MROH7: variants seen among roughly 807,000 people sequenced by gnomAD.
MROH7 encodes the protein maestro heat-like repeat-containing protein family member 7.
Under a neutral mutation model 129.2 loss-of-function variants are expected in MROH7, and 113 were observed. The ratio of observed to expected loss-of-function variants is 0.87; its 90% CI spans 0.75 to 1.02. The LOEUF (loss-of-function observed/expected upper bound fraction) is 1.02. Ranked by LOEUF, MROH7 falls within the 50% of genes least tolerant of loss-of-function variation. The pLI, the probability that MROH7 is intolerant of heterozygous loss-of-function variation, is 0.00. For synonymous variants in MROH7, 655 were observed against 667.9 expected (o/e 0.98, Z 0.30); for missense variants, 1,601 against 1,671.3 (o/e 0.96, Z 0.73).
At chr1:54,671,395 G>A (rs1389647828) in intron 7 of MROH7, among the ~76,000 whole-genome samples, 4 of 152,276 alleles carry the variant, frequency 2.6e-5, no homozygotes, top group East Asian at 1.9e-4. Context: ...GCGAGACTCC[G>A]TCTCAAAACA....
intron 10 of MROH7, 52 bp from the exon 11 acceptor site, chr1:54,678,690 T>A: frequency 7.5e-7 from 1 of 1,339,600 alleles, no homozygotes; most frequent in Non-Finnish European, 1.1e-6. Flanking sequence ...TACATGTATG[T>A]TTAACAAAAA....
At chr1:54,709,727 G>A (rs1645593462) in intron 23 of MROH7, among the ~76,000 whole-genome samples, 1 of 152,086 alleles carries the variant, frequency 6.6e-6, no homozygotes, top group South Asian at 2.1e-4. Flanking sequence ...AAAGCATTAA[G>A]GTAGGCTGGG....
Position 54,695,391 on chromosome 1 carries a change from C to T in MROH7, c.2865C>T (p.Tyr955=). The T allele has an allele frequency of 6.2e-7, 1 of 1,611,898 alleles. No homozygotes were observed. ...VALLARAMVQ[Y]SCQELCRILY... ...CCACCCCCAGGGCCATGGTGCAGTACTCCTGCCAGGAGCTGTGCCGCATCC... is the reference window on the plus strand; with the variant it reads ...CCACCCCCAGGGCCATGGTGCAGTATTCCTGCCAGGAGCTGTGCCGCATCC... The change falls in exon 17 of 24, where the codon TAC becomes TAT. Residue 955 remains tyrosine, a synonymous_variant. Transcript: ENST00000421030.
chr1:54,705,611 T>G (rs1645520408), intron 21 of MROH7, among the ~76,000 whole-genome samples: 1 of 151,506 alleles, frequency 6.6e-6, no homozygotes, highest in East Asian at 1.9e-4. Context: ...TGAAGAAGAG[T>G]GGGAAGGGCA....
chr1:54,654,644 GC>G (rs1644613310), intron 3 of MROH7, among the ~76,000 whole-genome samples: 1 of 151,788 alleles, frequency 6.6e-6, no homozygotes, highest in Non-Finnish European at 1.5e-5. Context: ...TTGCACTCCA[GC>G]CTGGGCAACA....
intron 13 of MROH7, among the ~76,000 whole-genome samples, 154 bp from the exon 14 acceptor site, chr1:54,682,502 C>G: frequency 6.6e-6 from 1 of 152,306 alleles, no homozygotes; most frequent in Non-Finnish European, 1.5e-5. Context: ...TAGCCCCTGA[C>G]TCTTTGGGAG....
At chr1:54,645,344 A>G (rs971530218) in intron 1 of MROH7, among the ~76,000 whole-genome samples, 1 of 151,906 alleles carries the variant, frequency 6.6e-6, no homozygotes, top group South Asian at 2.1e-4. Context: ...TAGTGGTGCA[A>G]TCTTGGCTCA....
chr1:54,642,876 A>G (rs1644409520), intron 1 of MROH7, among the ~76,000 whole-genome samples: 1 of 152,168 alleles, frequency 6.6e-6, no homozygotes, highest in South Asian at 2.1e-4. Context: ...CAGCTTCCCA[A>G]AATGCTGGGA....
chr1:54,660,509 A>G (rs1261392835), intron 3 of MROH7, among the ~76,000 whole-genome samples: 1 of 152,192 alleles, frequency 6.6e-6, no homozygotes, highest in African/African-American at 2.4e-5. Context: ...GTTTGGTGTT[A>G]TCAGTTAAAA....
At chr1:54,669,431 CA>C (rs920852626) in intron 5 of MROH7, among the ~76,000 whole-genome samples, 3 of 152,056 alleles carry the variant, frequency 2.0e-5, no homozygotes, top group Non-Finnish European at 2.9e-5. Context: ...CAGAGACAAC[CA>C]AAAAAGTCCT....
chr1:54,696,739 T>C (rs764558203), intron 17 of MROH7, among the ~76,000 whole-genome samples: 9 of 148,824 alleles, frequency 6.0e-5, no homozygotes, highest in Non-Finnish European at 8.9e-5. Flanking sequence ...TGGCGTGATT[T>C]TGGCTCACTG....
chr1:54,680,151 G>T, intron 13 of MROH7, 106 bp downstream of exon 13: 1 of 1,010,416 alleles, frequency 9.9e-7, no homozygotes, highest in South Asian at 1.4e-5. Context: ...CGCCCTCCCA[G>T]ATGGCCCCCC....
chr1:54,678,613 T>C (rs2101127328), intron 10 of MROH7, 129 bp from the exon 11 acceptor site: 1 of 640,944 alleles, frequency 1.6e-6, no homozygotes, highest in Non-Finnish European at 2.8e-6. Context: ...ACTTGGGGGC[T>C]GGCTACAATG....
chr1:54,690,497 G>A (rs577830401), intron 15 of MROH7, among the ~76,000 whole-genome samples: 4 of 150,598 alleles, frequency 2.7e-5, no homozygotes, highest in Non-Finnish European at 5.9e-5. Flanking sequence ...AGGCTAGAGT[G>A]CAGTGGCGCT....
In MROH7 at chr1:54,647,632, G is replaced by A. The variant is rs141990995; in HGVS notation, c.-109-4317G>A. 1.2e-3 allele frequency among the ~76,000 whole-genome samples: 179 copies of A among 152,104 alleles called. 2 individuals are homozygous for A. In the East Asian group the frequency reaches 0.029, roughly 25 times the overall value. On this transcript the variant is annotated intron_variant, in intron 1 of 23. Coordinates refer to ENST00000421030, the MANE Select transcript of MROH7 (RefSeq NM_001039464.4). ...GCATGCACCTGTAATCCCAGCTACT[G>A]GGGAGGCTGAAACAGGAGAATCACT...
chr1:54,669,968 C>T (rs1160509821), intron 5 of MROH7, among the ~76,000 whole-genome samples: 2 of 144,466 alleles, frequency 1.4e-5, no homozygotes, highest in African/African-American at 5.2e-5. Context: ...TGTGCCATTA[C>T]ACTCCAATCT....
In MROH7 at chr1:54,668,920, A is replaced by G; in HGVS notation, c.1372A>G (p.Met458Val). 1 of 1,601,900 alleles carries G rather than the reference A, an allele frequency of 6.2e-7. No homozygotes were observed. Among genetic ancestry groups the G allele is most frequent in the Non-Finnish European group, 8.5e-7 (1 of 1,171,546 alleles). The change falls in exon 5 of 24, where the codon ATG becomes GTG. Residue 458 changes from methionine (M) to valine (V), a missense_variant. Transcript: ENST00000421030. ...LLEAEGEKKT[M>V]IKKIMRQIQE... The stretch of plus-strand genomic sequence containing the variant: ...GGAGGCAGAAGGAGAAAAGAAGACC[A>G]TGATAAAGAAGATTATGGTGGGGGA...
At position 54,702,144 on chromosome 1, in the gene MROH7, A is replaced by C. The variant is rs375276448; in HGVS notation, c.3340A>C (p.Lys1114Gln). ...CINLYGKVVQ[K>Q]LRAPRTQAME... The stretch of plus-strand genomic sequence containing the variant: ...CAACCTGTATGGGAAGGTGGTCCAG[A>C]AGCTTCGGGCACCACGCACTCAGGC... The change falls in exon 20 of 24, where the codon AAG becomes CAG. Residue 1114 changes from lysine (K) to glutamine (Q), a missense_variant. Physicochemically the swap from Lys to Gln is moderately conservative, Grantham distance 53 (BLOSUM62 1). Transcript: ENST00000421030. 11 of 1,611,658 alleles carry C rather than the reference A, an allele frequency of 6.8e-6. No homozygotes were observed. The highest frequency in any genetic ancestry group is 8.5e-6 in the Non-Finnish European group (10 of 1,178,932).
intron 7 of MROH7, among the ~76,000 whole-genome samples, chr1:54,671,816 G>A (rs1049739716): frequency 6.6e-6 from 1 of 152,140 alleles, no homozygotes; most frequent in African/African-American, 2.4e-5. Context: ...TGAGTGTGGG[G>A]GAGATGGATG....
Sources: allele counts gnomAD v4.1 joint callset (sites outside exome capture counted in the v4.1 genomes callset), GRCh38; gene constraint gnomAD v4.1.1; transcripts MANE v1.5; gene names NCBI Gene and HGNC (gene_info 2026-07-23, HGNC 2026-07-21).